BMP7: variants seen among roughly 807,000 people sequenced by gnomAD.
The protein encoded by BMP7 is bone morphogenetic protein 7, also known as osteogenic protein 1.
Under a neutral mutation model 41.2 loss-of-function variants are expected in BMP7, and 12 were observed. The observed-to-expected ratio is 0.29, with a 90% CI of 0.19 to 0.47. BMP7 has a LOEUF of 0.47. BMP7 is among the 20% of genes least tolerant of loss of function. The probability of loss-of-function intolerance (pLI) is 0.99; values close to 1 mark genes in which losing one functional copy is unlikely to be tolerated. For synonymous variants in BMP7, 248 were observed against 250.0 expected (o/e 0.99, Z 0.07); for missense variants, 467 against 606.0 (o/e 0.77, Z 2.41).
At chr20:57,264,536 G>A (rs893174998) in intron 1 of BMP7, among the ~76,000 whole-genome samples, 13 of 152,186 alleles carry the variant, frequency 8.5e-5, no homozygotes, top group Non-Finnish European at 1.8e-4. Flanking sequence ...GAGCTCCCCG[G>A]CCCTCGCTGC....
At chr20:57,188,883 C>T (rs1479975941) in intron 3 of BMP7, among the ~76,000 whole-genome samples, 1 of 152,240 alleles carries the variant, frequency 6.6e-6, no homozygotes, top group Non-Finnish European at 1.5e-5. Context: ...AGCTGGTCCA[C>T]GGCAAGGCCA....
intron 2 of BMP7, chr20:57,226,058 G>A (rs1382983456): frequency 3.3e-5 from 14 of 428,832 alleles, no homozygotes; most frequent in South Asian, 1.2e-4. Context: ...GCCTGTTGCC[G>A]GCAGCCTGGC....
At chr20:57,176,749 TTCACACACACACAC>T (rs1480839317) in intron 4 of BMP7, among the ~76,000 whole-genome samples, 5 of 28,132 alleles carry the variant, frequency 1.8e-4, no homozygotes, top group Non-Finnish European at 4.2e-4. Flanking sequence ...ACATTCTCCA[TTCACACACACACAC>T]ACACACACAC....
rs1048457216 is a variant in BMP7 at position 57,259,600 on chromosome 20, C to T, written c.418+6105G>A. On this transcript the variant is annotated intron_variant, in intron 1 of 6. Coordinates refer to ENST00000395863, the MANE Select transcript of BMP7 (RefSeq NM_001719.3). The surrounding 1 kb of genome is among the most constrained non-coding windows in gnomAD (Gnocchi z 4.7). ...GCAATTACCCTAAAGCTGGTGCTCT[C>T]GGAGTTGTCATTAATTCAATCCACT... Among the ~76,000 whole-genome samples the T allele has an allele frequency of 6.6e-6, 1 of 152,188 alleles. No homozygotes were observed. The highest frequency in any genetic ancestry group is 1.5e-5 in the Non-Finnish European group (1 of 68,030).
Position 57,171,113 on chromosome 20 carries a change from AAC to A in BMP7, c.1147-7_1147-6del, listed in dbSNP as rs1278844340. On this transcript the variant is annotated splice_polypyrimidine_tract_variant and splice_region_variant and intron_variant, in intron 6 of 6. Transcript: ENST00000395863. The surrounding 1 kb of genome is among the most constrained non-coding windows in gnomAD (Gnocchi z 4.5). ...TTCCGGGTTGATGAAGTGGACCTGAAACACACACCAAAACATGGGCAGTGGTG... is the reference window on the plus strand; with the variant it reads ...TTCCGGGTTGATGAAGTGGACCTGAAACACACCAAAACATGGGCAGTGGTG... The A allele has an allele frequency of 6.2e-7, 1 of 1,614,068 alleles. No individual in the cohort carries two copies. The highest frequency in any genetic ancestry group is 1.3e-5 in the African/African-American group (1 of 74,926).
At position 57,266,053 on chromosome 20, in the gene BMP7, G is replaced by A. The variant is rs970017958; in HGVS notation, c.70C>T (p.Leu24=). 19 of 1,542,362 alleles carry A rather than the reference G, an allele frequency of 1.2e-5. No individual in the cohort carries two copies. The Admixed American group carries it at 2.4e-4, about 19-fold the overall frequency. The change falls in exon 1 of 7, where the codon CTG becomes TTG. Residue 24 remains leucine (L), a synonymous_variant. Transcript: ENST00000395863. ...CTGAAGTCGGCCAGGGCGGAGCGCA[G>A]CAGGAACAGGGGTGCCCAGAGCGCC... ...FVALWAPLFL[L]RSALADFSLD...
intron 3 of BMP7, among the ~76,000 whole-genome samples, chr20:57,192,309 A>G (rs1159452000): frequency 1.5e-5 from 2 of 136,402 alleles, no homozygotes; most frequent in Non-Finnish European, 3.1e-5. Flanking sequence ...TATATATAAA[A>G]TATAGAAGAC....
At chr20:57,205,027 G>A (rs79302436) in intron 2 of BMP7, among the ~76,000 whole-genome samples, 4 of 152,118 alleles carry the variant, frequency 2.6e-5, no homozygotes, top group African/African-American at 7.2e-5. Context: ...GTGAGGACAC[G>A]GCAACGAGGT....
At chr20:57,208,615 C>G (rs1984799206) in intron 2 of BMP7, among the ~76,000 whole-genome samples, 1 of 152,142 alleles carries the variant, frequency 6.6e-6, no homozygotes, top group Non-Finnish European at 1.5e-5. Context: ...TACATGTCCA[C>G]CCAAAATCTT....
intron 2 of BMP7, among the ~76,000 whole-genome samples, chr20:57,223,625 C>A (rs1985242488): frequency 6.6e-6 from 1 of 152,216 alleles, no homozygotes; most frequent in Admixed American, 6.5e-5. Context: ...CACCTCTGAG[C>A]CAGGCTCCGC....
At chr20:57,222,568 G>C (rs780111887) in intron 2 of BMP7, among the ~76,000 whole-genome samples, 1 of 152,108 alleles carries the variant, frequency 6.6e-6, no homozygotes, top group Non-Finnish European at 1.5e-5. Context: ...GTGAGGCCCA[G>C]AGAAAGGGAC....
In BMP7 at chr20:57,170,910, G is replaced by A. The variant is rs769189184; in HGVS notation, c.*49C>T. Reference sequence around the variant, plus strand: ...CTGGTTCCTGGCCAAGGCGAGCAATGGAGGATCCAGAAAAACTTGGCCCCA... The same window carrying A: ...CTGGTTCCTGGCCAAGGCGAGCAATAGAGGATCCAGAAAAACTTGGCCCCA... On this transcript the variant is annotated 3_prime_UTR_variant, in exon 7 of 7. Transcript: ENST00000395863. The A allele has an allele frequency of 9.3e-6, 15 of 1,607,004 alleles. No homozygotes were observed. In the South Asian group the frequency reaches 1.7e-4, roughly 18 times the overall value.
At chr20:57,236,499 C>A (rs534166887) in intron 1 of BMP7, among the ~76,000 whole-genome samples, 3 of 152,014 alleles carry the variant, frequency 2.0e-5, no homozygotes, top group African/African-American at 4.8e-5. Flanking sequence ...AAGTTATGCA[C>A]GAAAAATGCA....
chr20:57,207,010 T>C (rs978712782), intron 2 of BMP7, among the ~76,000 whole-genome samples: 1 of 152,220 alleles, frequency 6.6e-6, no homozygotes, highest in African/African-American at 2.4e-5. Context: ...CCACCAACAA[T>C]TCCTTGTCTC....
chr20:57,212,785 C>T (rs538641884), intron 2 of BMP7, among the ~76,000 whole-genome samples: 2 of 152,170 alleles, frequency 1.3e-5, no homozygotes, highest in Non-Finnish European at 2.9e-5. Context: ...ATCAAAGGAG[C>T]CCAGAAGGAA....
chr20:57,184,964 G>A (rs924352549), intron 3 of BMP7, among the ~76,000 whole-genome samples: 7 of 152,176 alleles, frequency 4.6e-5, no homozygotes, highest in African/African-American at 1.2e-4. Flanking sequence ...GTGGGACTTC[G>A]CATCCAGGGC....
At chr20:57,199,638 C>T (rs1034840003) in intron 3 of BMP7, among the ~76,000 whole-genome samples, 4 of 152,166 alleles carry the variant, frequency 2.6e-5, no homozygotes, top group East Asian at 1.9e-4. Flanking sequence ...AGATCCTCCA[C>T]GGTAGGGAAA....
chr20:57,196,494 G>A (rs935147923), intron 3 of BMP7, among the ~76,000 whole-genome samples: 1 of 152,182 alleles, frequency 6.6e-6, no homozygotes, highest in Non-Finnish European at 1.5e-5. Flanking sequence ...GGGCACAACA[G>A]TCCTTGGCTC....
Position 57,174,894 on chromosome 20 carries a change from G to T in BMP7, c.1035+37C>A. On this transcript the variant is annotated intron_variant, in intron 5 of 6. Coordinates refer to ENST00000395863, the MANE Select transcript of BMP7 (RefSeq NM_001719.3). The surrounding 1 kb of genome is among the most constrained non-coding windows in gnomAD (Gnocchi z 4.3). The stretch of plus-strand genomic sequence containing the variant: ...CTGCCTCGTGGGAGCCCACGCCAGA[G>T]GGCCCACACCCAAGACAGACCCAGC... The T allele has an allele frequency of 6.3e-7, 1 of 1,596,882 alleles. No homozygotes were observed.
Sources: gnomAD v4.1 joint callset for allele counts (sites outside exome capture counted in the v4.1 genomes callset) on GRCh38, gnomAD v4.1.1 for gene constraint, Gnocchi (gnomAD v3.1) non-coding constraint, MANE v1.5 for transcripts, NCBI Gene and HGNC (gene_info 2026-07-23, HGNC 2026-07-21) for gene names.